HCRTR2: variants seen among roughly 807,000 people sequenced by gnomAD.
HCRTR2 encodes the protein hypocretin receptor 2.
In HCRTR2, 22 loss-of-function variants were observed where a neutral mutation model predicts 49.0. The observed-to-expected ratio is 0.45, with a 90% confidence interval of 0.32 to 0.64. The LOEUF (loss-of-function observed/expected upper bound fraction) is 0.64. Among genes scored for constraint, HCRTR2 ranks in the 30% least tolerant of loss-of-function variants. HCRTR2 has a pLI of 0.04. For missense variants in HCRTR2, 491 were observed against 559.4 expected (o/e 0.88, Z 1.23); for synonymous variants, 236 against 205.3 (o/e 1.15, Z -1.28).
At chr6:55,260,678 A>T (rs1258954539) in intron 3 of HCRTR2, among the ~76,000 whole-genome samples, 1 of 152,178 alleles carries the variant, frequency 6.6e-6, no homozygotes, top group African/African-American at 2.4e-5. Flanking sequence ...AAGCATGAAT[A>T]TGGAGAAAAT....
rs539148136 is a variant in HCRTR2 at position 55,262,234 on chromosome 6, C to T, written c.647-1473C>T. ...CACTGAAGATTCATGTAACCAAACA[C>T]CAACTGTTTCCCCAAAACCTATCGG... On this transcript the variant is annotated intron_variant, in intron 3 of 6. Transcript: ENST00000370862. Among the ~76,000 whole-genome samples the T allele has an allele frequency of 2.9e-4, 43 of 149,992 alleles. No individual in the cohort carries two copies. In the South Asian group the frequency reaches 4.4e-3, roughly 15 times the overall value.
Position 55,162,440 on chromosome 6 carries a change from C to A in HCRTR2, c.-377-11771C>A, listed in dbSNP as rs546925692. 2.0e-5 allele frequency among the ~76,000 whole-genome samples: 3 copies of A among 152,304 alleles called. No homozygotes were observed. In the South Asian group the frequency reaches 6.2e-4, roughly 32 times the overall value. On this transcript the variant is annotated intron_variant, in intron 1 of 7. Transcript: ENST00000615358. ...TAAAAACTGGCACAAGACAAGGATG[C>A]CCTCTCTCACCACTCCTATTCAACA...
intron 1 of HCRTR2, among the ~76,000 whole-genome samples, chr6:55,175,571 T>C (rs944936420): frequency 5.9e-5 from 9 of 152,008 alleles, no homozygotes; most frequent in Admixed American, 5.9e-4. Flanking sequence ...CAACTGTTTG[T>C]TGTTGTTTTG....
At chr6:55,165,786 T>TATATATAC (rs1764869549) in intron 1 of HCRTR2, among the ~76,000 whole-genome samples, 1 of 91,480 alleles carries the variant, frequency 1.1e-5, no homozygotes, top group Non-Finnish European at 2.4e-5. Flanking sequence ...TATATATATA[T>TATATATAC]ATACTCTTAC....
At chr6:55,172,033 C>T (rs1380711039), upstream of HCRTR2, among the ~76,000 whole-genome samples, 1 of 152,110 alleles carries the variant, frequency 6.6e-6, no homozygotes, top group Non-Finnish European at 1.5e-5. Flanking sequence ...AGGAAGACAT[C>T]GTGCCAGAGT....
intron 1 of HCRTR2, among the ~76,000 whole-genome samples, chr6:55,183,734 A>C (rs1765170640): frequency 6.6e-6 from 1 of 152,216 alleles, no homozygotes; most frequent in Non-Finnish European, 1.5e-5. Flanking sequence ...AATAAAGAAC[A>C]TAATCCAAAT....
intron 1 of HCRTR2, among the ~76,000 whole-genome samples, chr6:55,152,688 CT>C (rs1052401529): frequency 4.7e-4 from 72 of 152,014 alleles, no homozygotes; most frequent in African/African-American, 1.7e-3. Flanking sequence ...GGCAAGAGAG[CT>C]CTCTGAAGTC....
At chr6:55,228,265 A>C (rs549270460) in intron 1 of HCRTR2, among the ~76,000 whole-genome samples, 10 of 152,210 alleles carry the variant, frequency 6.6e-5, no homozygotes, top group Non-Finnish European at 1.5e-4. Flanking sequence ...GTTATTAATA[A>C]GACTTACACA....
chr6:55,186,012 T>C (rs1765211412), intron 1 of HCRTR2, among the ~76,000 whole-genome samples: 2 of 152,252 alleles, frequency 1.3e-5, no homozygotes, highest in African/African-American at 4.8e-5. Context: ...TGCTCCCTCA[T>C]GTGCTGTGTG....
chr6:55,130,789 C>A (rs113773741), intron 1 of HCRTR2, among the ~76,000 whole-genome samples: 5 of 151,744 alleles, frequency 3.3e-5, no homozygotes, highest in African/African-American at 1.2e-4. Flanking sequence ...TATTAATATC[C>A]CACCCCAACA....
intron 1 of HCRTR2, among the ~76,000 whole-genome samples, chr6:55,152,970 A>G (rs1283009296): frequency 6.6e-6 from 1 of 151,996 alleles, no homozygotes; most frequent in African/African-American, 2.4e-5. Context: ...CGCCAGAGCC[A>G]ATGTTAAAGT....
chr6:55,280,753 A>G (rs1767174596), intron 6 of HCRTR2, among the ~76,000 whole-genome samples: 1 of 143,744 alleles, frequency 7.0e-6, no homozygotes, highest in South Asian at 2.2e-4. Flanking sequence ...CAAAAATATA[A>G]AATACTTTGT....
intron 1 of HCRTR2, among the ~76,000 whole-genome samples, chr6:55,159,051 G>T (rs1312120913): frequency 5.3e-5 from 8 of 152,160 alleles, no homozygotes; most frequent in Non-Finnish European, 4.4e-5. Context: ...CCTCATACAG[G>T]AGAGCTCCGG....
At chr6:55,212,618 C>T (rs948974735) in intron 1 of HCRTR2, among the ~76,000 whole-genome samples, 3 of 152,036 alleles carry the variant, frequency 2.0e-5, no homozygotes, top group Non-Finnish European at 4.4e-5. Context: ...CCCAAAGTTT[C>T]GGTAGACATT....
chr6:55,148,023 TTTAG>T (rs1237892656), intron 1 of HCRTR2, among the ~76,000 whole-genome samples: 1 of 146,724 alleles, frequency 6.8e-6, no homozygotes, highest in African/African-American at 2.4e-5. Context: ...CTGAATGGAC[TTTAG>T]TTAGAGTTTG....
In HCRTR2 at chr6:55,174,615, C is replaced by T. The variant is rs41271310; in HGVS notation, c.28C>T (p.Pro10Ser). 3.0e-3 allele frequency: 4,772 copies of T among 1,614,038 alleles called. 13 individuals are homozygous for T. Among genetic ancestry groups the T allele is most frequent in the South Asian group, 5.5e-3 (504 of 91,070 alleles). Reference protein sequence around the residue: MSGTKLEDSPPCRNWSSASE... With the variant: MSGTKLEDSSPCRNWSSASE... ...GTCCGGCACCAAATTGGAGGACTCC[C>T]CCCCTTGTCGCAACTGGTCATCTGC... The change falls in exon 1 of 7, where the codon CCC becomes TCC. Residue 10 changes from proline (P) to serine (S), a missense_variant. Physicochemically the swap from Pro to Ser is moderately conservative, Grantham distance 74. Coordinates refer to ENST00000370862, the MANE Select transcript of HCRTR2 (RefSeq NM_001384272.1).
chr6:55,252,462 A>G lies in HCRTR2; in HGVS notation c.403-2674A>G, dbSNP rs532874971. ...TACTTCTAATTGCTAGAGAGGATTG[A>G]TATATCTCTAGCCCAGAAGCTATGA... On this transcript the variant is annotated intron_variant, in intron 2 of 6. Coordinates refer to ENST00000370862, the MANE Select transcript of HCRTR2 (RefSeq NM_001384272.1). Among the ~76,000 whole-genome samples the G allele has an allele frequency of 4.9e-4, 74 of 152,252 alleles. 1 individual carries two copies. In the South Asian group the frequency reaches 0.013, roughly 26 times the overall value.
intron 1 of HCRTR2, among the ~76,000 whole-genome samples, chr6:55,192,412 C>T (rs988747964): frequency 7.8e-5 from 5 of 64,512 alleles, no homozygotes; most frequent in African/African-American, 2.0e-4. Flanking sequence ...CGCGCGCGCG[C>T]GCACACACAC....
At chr6:55,138,896 G>T (rs1764469601) in intron 1 of HCRTR2, among the ~76,000 whole-genome samples, 1 of 152,106 alleles carries the variant, frequency 6.6e-6, no homozygotes. Flanking sequence ...CAGATGCTAG[G>T]AATAAAGCAC....
Sources: allele counts gnomAD v4.1 joint callset (sites outside exome capture counted in the v4.1 genomes callset), GRCh38; gene constraint gnomAD v4.1.1; transcripts MANE v1.5; gene names NCBI Gene and HGNC (gene_info 2026-07-23, HGNC 2026-07-21).